SF3B2: variants seen among roughly 807,000 people sequenced by gnomAD.
SF3B2 encodes SAP 145.
In SF3B2, 22 loss-of-function variants were observed where a neutral mutation model predicts 116.3. The ratio of observed to expected loss-of-function variants is 0.19; its 90% CI spans 0.14 to 0.27. SF3B2 has a LOEUF of 0.27. Ranked by LOEUF, SF3B2 falls within the 10% of genes least tolerant of loss-of-function variation. The probability of loss-of-function intolerance (pLI) is 1.00; values close to 1 mark genes in which losing one functional copy is unlikely to be tolerated. For missense variants in SF3B2, 767 were observed against 1,151.4 expected (o/e 0.67, Z 4.83); for synonymous variants, 406 against 421.6 (o/e 0.96, Z 0.45).
rs747379616 is a variant in SF3B2 at position 66,068,062 on chromosome 11, T to C, written c.2430+17T>C. On this transcript the variant is annotated intron_variant, in intron 20 of 21. Transcript: ENST00000322535. ...ATGTCCACGGTGAGTACTTGGAGGA[T>C]ACTGCTTTTGGAGGCTGAGAAAGGC... 5 of 1,613,480 alleles carry C rather than the reference T, an allele frequency of 3.1e-6. No individual in the cohort carries two copies. Among genetic ancestry groups the C allele is most frequent in the Non-Finnish European group, 4.2e-6 (5 of 1,179,602 alleles).
chr11:66,052,821 G>C (rs1856909559), intron 2 of SF3B2, 102 bp downstream of exon 2: 9 of 1,378,710 alleles, frequency 6.5e-6, no homozygotes, highest in Non-Finnish European at 8.9e-6. Flanking sequence ...TCTCGGCACA[G>C]CAAGGCGGAG....
At chr11:66,053,767 G>T in intron 3 of SF3B2, 1 of 154,146 alleles carries the variant, frequency 6.5e-6, no homozygotes, top group South Asian at 1.8e-4. Flanking sequence ...TTAATACTTA[G>T]GCAGTGGGTT....
At chr11:66,055,638 AT>A in intron 5 of SF3B2, 53 bp downstream of exon 5, 1 of 1,537,606 alleles carries the variant, frequency 6.5e-7, no homozygotes, top group Non-Finnish European at 9.0e-7. Context: ...GTTGGCTGTC[AT>A]TTATAGTGCT....
intron 1 of SF3B2, 55 bp from the exon 2 acceptor site, chr11:66,052,618 G>A: frequency 6.3e-7 from 1 of 1,589,870 alleles, no homozygotes; most frequent in Non-Finnish European, 8.6e-7. Context: ...CAGGCCGCTG[G>A]GGCCTGACCT....
rs555996461 is a variant in SF3B2, at chr11:66,067,476, T to G, written c.2331-470T>G. On this transcript the variant is annotated intron_variant, in intron 19 of 21. Coordinates refer to ENST00000322535, the MANE Select transcript of SF3B2 (RefSeq NM_006842.3). ...GGTGATAGTGGTAGATTTGCTCTTG[T>G]TCCTAGTGTAATCCTTGAAATTAGT... The G allele has an allele frequency of 1.3e-4, 60 of 456,364 alleles. 1 individual carries two copies. The highest frequency in any genetic ancestry group is 1.2e-3 in the Admixed American group (52 of 42,582). 28.3% of individuals were successfully genotyped at this position (456,364 alleles called of 1,614,324 possible).
intron 3 of SF3B2, 53 bp downstream of exon 3, chr11:66,053,157 T>TC: frequency 6.5e-7 from 1 of 1,530,018 alleles, no homozygotes; most frequent in East Asian, 2.2e-5. Context: ...CTTTTGTAGT[T>TC]CATGAGCATG....
chr11:66,060,368 G>A (rs866114500), intron 13 of SF3B2, among the ~76,000 whole-genome samples: 1 of 152,176 alleles, frequency 6.6e-6, no homozygotes, highest in South Asian at 2.1e-4. Flanking sequence ...TTAAAAACTA[G>A]TTATTGATAT....
In SF3B2 at chr11:66,059,292, A is replaced by G. The variant is rs990174520; in HGVS notation, c.1274A>G (p.Glu425Gly). ...GCAGCCCCCAAGAAGAAGGGATTTGAAGAGGAGCACAAGGACAGTGATGAT... is the reference window on the plus strand; with the variant it reads ...GCAGCCCCCAAGAAGAAGGGATTTGGAGAGGAGCACAAGGACAGTGATGAT... ...NSAAPKKKGF[E>G]EEHKDSDDDS... The change falls in exon 11 of 22, where the codon GAA becomes GGA. Residue 425 changes from glutamate to glycine, a missense_variant. Coordinates refer to ENST00000322535, the MANE Select transcript of SF3B2 (RefSeq NM_006842.3). This position sits in a 1 kb window ranked among gnomAD's most constrained non-coding sequence, Gnocchi z 5.0. 6.2e-7 allele frequency: 1 copy of G among 1,613,932 alleles called. No individual in the cohort carries two copies. Among genetic ancestry groups the G allele is most frequent in the African/African-American group, 1.3e-5 (1 of 74,898 alleles).
intron 19 of SF3B2, chr11:66,067,530 G>A (rs1488688768): frequency 1.5e-5 from 7 of 456,948 alleles, no homozygotes; most frequent in East Asian, 6.9e-5. Context: ...TGGCTCTTGC[G>A]TTGGAAGGCC....
At chr11:66,060,907 C>T (rs1182907614) in intron 14 of SF3B2, among the ~76,000 whole-genome samples, 176 bp downstream of exon 14, 2 of 152,160 alleles carry the variant, frequency 1.3e-5, no homozygotes, top group Admixed American at 1.3e-4. Context: ...TCAAGCAGTC[C>T]TCCCATCTCA....
rs1348476771 is a variant in SF3B2 at position 66,063,098 on chromosome 11, C to G, written c.2067C>G (p.Thr689=). The G allele has an allele frequency of 1.2e-6, 2 of 1,613,390 alleles. No homozygotes were observed. Among genetic ancestry groups the G allele is most frequent in the Admixed American group, 1.7e-5 (1 of 59,956 alleles). The part of the protein sequence containing the change: ...GKPLYGDVFG[T]NAAEFQTKTE... Reference sequence around the variant, plus strand: ...CGCTCTATGGGGACGTGTTTGGAACCAATGCTGCTGAATTTCAGGTATGGG... The same window carrying G: ...CGCTCTATGGGGACGTGTTTGGAACGAATGCTGCTGAATTTCAGGTATGGG... Residue 689 remains threonine, a synonymous_variant, in exon 17 of 22, where the codon ACC becomes ACG. Coordinates refer to ENST00000322535, the MANE Select transcript of SF3B2 (RefSeq NM_006842.3).
chr11:66,057,972 C>CAA (rs60074596), intron 7 of SF3B2, 82 bp from the exon 8 acceptor site: 11,090 of 802,700 alleles, frequency 0.014, no homozygotes, highest in Non-Finnish European at 0.016. Flanking sequence ...AACTCCGTCT[C>CAA]AAAAAAAAAA....
At position 66,063,640 on chromosome 11, in the gene SF3B2, T is replaced by C. The variant is rs1216007468; in HGVS notation, c.2241T>C (p.Thr747=). Reference sequence around the variant, plus strand: ...CCTCTCTTTACAGTGGCCTTATCACTCCTGGAGGCTTTTCATCAGTGCCTG... The same window carrying C: ...CCTCTCTTTACAGTGGCCTTATCACCCCTGGAGGCTTTTCATCAGTGCCTG... ...FITPADSGLI[T]PGGFSSVPAG... is the part of the protein sequence containing the mutation. The change falls in exon 19 of 22, where the codon ACT becomes ACC. Residue 747 remains threonine (T), a synonymous_variant. Transcript: ENST00000322535. 6.2e-7 allele frequency: 1 copy of C among 1,613,124 alleles called. No homozygotes were observed. Among genetic ancestry groups the C allele is most frequent in the Non-Finnish European group, 8.5e-7 (1 of 1,179,646 alleles).
In SF3B2 at chr11:66,052,712, C is replaced by G. The variant is rs893688253; in HGVS notation, c.173C>G (p.Thr58Ser). The G allele has an allele frequency of 2.5e-6, 4 of 1,574,788 alleles. No homozygotes were observed. The highest frequency in any genetic ancestry group is 3.4e-6 in the Non-Finnish European group (4 of 1,163,674). Residue 58 changes from threonine to serine, a missense_variant, in exon 2 of 22, where the codon ACC becomes AGC. By Grantham distance (58) the Thr-to-Ser change is moderately conservative (BLOSUM62 1). This residue lies in a region of SF3B2 where 455 missense variants were observed against 537.5 expected (regional missense o/e 0.85). Transcript: ENST00000322535. ...EELVERLQSY[T>S]RQTGIVLNRP... Reference sequence around the variant, plus strand: ...CTGGTGGAGCGGCTGCAGAGCTACACCCGCCAGGTAGGTGTTGGCGGCGGG... The same window carrying G: ...CTGGTGGAGCGGCTGCAGAGCTACAGCCGCCAGGTAGGTGTTGGCGGCGGG...
rs751403353 is a variant in SF3B2, at chr11:66,055,130, C to T, written c.313C>T (p.Pro105Ser). The T allele has an allele frequency of 2.6e-6, 4 of 1,552,848 alleles. No individual in the cohort carries two copies. The highest frequency in any genetic ancestry group is 2.6e-6 in the Non-Finnish European group (3 of 1,143,040). ...TTTGGGACTCCCCCCTCTGCAGCCTCCTCCGCCACCCCCACCACCTCCACC... is the reference window on the plus strand; with the variant it reads ...TTTGGGACTCCCCCCTCTGCAGCCTTCTCCGCCACCCCCACCACCTCCACC... The part of the protein sequence containing the change: ...PPLGLPPLQP[P>S]PPPPPPPPGL... Residue 105 changes from proline to serine, a missense_variant, in exon 4 of 22, where the codon CCT becomes TCT. By Grantham distance (74) the Pro-to-Ser change is moderately conservative (BLOSUM62 -1). Around this residue, in one of 4 missense-constraint regions of SF3B2, gnomAD observed 455 missense variants for 537.5 expected, o/e 0.85. Coordinates refer to ENST00000322535, the MANE Select transcript of SF3B2 (RefSeq NM_006842.3).
intron 3 of SF3B2, 145 bp from the exon 4 acceptor site, chr11:66,054,931 G>C (rs1856964760): frequency 1.4e-6 from 1 of 727,402 alleles, no homozygotes; most frequent in African/African-American, 1.8e-5. Flanking sequence ...TCTTTATAGA[G>C]CTGTGGAGCA....
intron 3 of SF3B2, chr11:66,053,903 G>A (rs887709889): frequency 6.6e-6 from 1 of 151,780 alleles, no homozygotes; most frequent in Admixed American, 6.6e-5. Flanking sequence ...AAAAAAAGAG[G>A]CAGGGCGTGG....
chr11:66,057,614 C>T (rs902134788), intron 7 of SF3B2, among the ~76,000 whole-genome samples: 2 of 152,054 alleles, frequency 1.3e-5, no homozygotes, highest in Non-Finnish European at 2.9e-5. Context: ...TTGGTGTTGC[C>T]CACTCTCTGC....
chr11:66,061,556 G>A, intron 14 of SF3B2, 130 bp from the exon 15 acceptor site: 1 of 724,958 alleles, frequency 1.4e-6, no homozygotes, highest in Non-Finnish European at 2.4e-6. Flanking sequence ...TTTGGCCAGG[G>A]AAAGAAGTGA....
Sources: allele counts gnomAD v4.1 joint callset (sites outside exome capture counted in the v4.1 genomes callset), GRCh38; gene constraint gnomAD v4.1.1; regional missense constraint gnomAD v4.1.1; non-coding constraint Gnocchi (gnomAD v3.1); transcripts MANE v1.5; gene names NCBI Gene and HGNC (gene_info 2026-07-23, HGNC 2026-07-21).